DCC: variants seen among roughly 807,000 people sequenced by gnomAD.
DCC encodes the protein DCC netrin 1 receptor, also known as netrin receptor DCC.
In DCC, 58 loss-of-function variants were observed where a neutral mutation model predicts 172.5. That is an observed-to-expected ratio of 0.34 (90% CI 0.27 to 0.42). DCC has a LOEUF of 0.42. DCC is among the 10% of genes least tolerant of loss of function. DCC has a pLI of 1.00. For synonymous variants in DCC, 709 were observed against 644.5 expected (o/e 1.10, Z -1.52); for missense variants, 1,740 against 1,791.0 (o/e 0.97, Z 0.51).
chr18:53,178,484 A>G (rs1382791745), intron 8 of DCC, among the ~76,000 whole-genome samples: 1 of 152,206 alleles, frequency 6.6e-6, no homozygotes, highest in Non-Finnish European at 1.5e-5. Context: ...AACACTAAGC[A>G]TCTGCGTTTT....
At position 52,539,810 on chromosome 18, in the gene DCC, ATTAG is replaced by A. The variant is rs558151719; in HGVS notation, c.91+198937_91+198940del. ...GATAACTATGCAAGATAATACATGT[ATTAG>A]TTAGCTCAATTTAGCCATTCCACAA... On this transcript the variant is annotated intron_variant, in intron 1 of 28. Coordinates refer to ENST00000442544, the MANE Select transcript of DCC (RefSeq NM_005215.4). Among the ~76,000 whole-genome samples the A allele has an allele frequency of 1.8e-3, 273 of 152,324 alleles. 1 individual carries two copies. The highest frequency in any genetic ancestry group is 5.8e-3 in the African/African-American group (241 of 41,556).
intron 2 of DCC, among the ~76,000 whole-genome samples, chr18:52,765,944 A>G (rs1210352287): frequency 6.6e-6 from 1 of 152,216 alleles, no homozygotes; most frequent in Non-Finnish European, 1.5e-5. Flanking sequence ...ATAATGCTGA[A>G]CAGAGGACCT....
intron 7 of DCC, among the ~76,000 whole-genome samples, chr18:53,102,709 A>C (rs1246317139): frequency 2.0e-5 from 3 of 152,140 alleles, no homozygotes; most frequent in East Asian, 3.9e-4. Flanking sequence ...CTGCTGACCT[A>C]ACTAATAACT....
intron 9 of DCC, among the ~76,000 whole-genome samples, chr18:53,192,388 T>C (rs986292810): frequency 6.6e-6 from 1 of 152,132 alleles, no homozygotes; most frequent in Non-Finnish European, 1.5e-5. Flanking sequence ...AATTCCTCAA[T>C]GTACATATAC....
chr18:53,218,186 T>G (rs1386626280), intron 12 of DCC, among the ~76,000 whole-genome samples: 2 of 152,122 alleles, frequency 1.3e-5, no homozygotes, highest in Non-Finnish European at 2.9e-5. Flanking sequence ...CTTGGGATTT[T>G]AAGATGGAAG....
intron 12 of DCC, among the ~76,000 whole-genome samples, chr18:53,227,398 C>T (rs1483804652): frequency 2.0e-5 from 3 of 152,038 alleles, no homozygotes; most frequent in African/African-American, 7.2e-5. Context: ...ACAATGAAAC[C>T]CACTTATTTC....
At chr18:53,043,307 C>T (rs1273826143) in intron 5 of DCC, among the ~76,000 whole-genome samples, 2 of 146,332 alleles carry the variant, frequency 1.4e-5, no homozygotes, top group African/African-American at 2.5e-5. Context: ...ACAGTGGGGC[C>T]TGCTGGGGGT....
chr18:52,465,036 T>C (rs1466909148), intron 1 of DCC, among the ~76,000 whole-genome samples: 2 of 152,104 alleles, frequency 1.3e-5, no homozygotes, highest in Non-Finnish European at 2.9e-5. Context: ...TAGGGCTAGG[T>C]TGAACAATTG....
chr18:52,605,456 G>A (rs2034114130), intron 1 of DCC, among the ~76,000 whole-genome samples: 1 of 152,100 alleles, frequency 6.6e-6, no homozygotes, highest in Non-Finnish European at 1.5e-5. Flanking sequence ...AGATTAACTT[G>A]CCATTTGTTC....
chr18:53,382,069 A>ACAC (rs1907790022), intron 15 of DCC, among the ~76,000 whole-genome samples: 1 of 122,948 alleles, frequency 8.1e-6, no homozygotes, highest in Admixed American at 7.8e-5. Flanking sequence ...GATTAAAAAC[A>ACAC]ACACACACAC....
At chr18:52,980,556 A>G (rs951961275) in intron 5 of DCC, among the ~76,000 whole-genome samples, 22 of 152,212 alleles carry the variant, frequency 1.4e-4, no homozygotes, top group African/African-American at 5.3e-4. Context: ...AATAGATTAC[A>G]GTTCAACTAA....
At chr18:52,994,353 G>T (rs1239251985) in intron 5 of DCC, among the ~76,000 whole-genome samples, 2 of 152,098 alleles carry the variant, frequency 1.3e-5, no homozygotes, top group African/African-American at 4.8e-5. Flanking sequence ...AGGGGGTAAA[G>T]TGGCAATTTG....
At chr18:53,198,713 T>C (rs1336635399) in intron 9 of DCC, among the ~76,000 whole-genome samples, 1 of 152,220 alleles carries the variant, frequency 6.6e-6, no homozygotes, top group Non-Finnish European at 1.5e-5. Flanking sequence ...TGTTCTGAGA[T>C]ACAGGTGTTA....
At chr18:52,890,671 T>A (rs372600477) in intron 2 of DCC, among the ~76,000 whole-genome samples, 5 of 152,118 alleles carry the variant, frequency 3.3e-5, no homozygotes, top group African/African-American at 1.2e-4. Flanking sequence ...TATCTAAGAC[T>A]CAGTTCCATA....
At chr18:52,771,388 T>C (rs755566992) in intron 2 of DCC, among the ~76,000 whole-genome samples, 3 of 152,246 alleles carry the variant, frequency 2.0e-5, no homozygotes, top group Non-Finnish European at 2.9e-5. Flanking sequence ...CTAGCTGACA[T>C]TGGTGATTTC....
intron 5 of DCC, among the ~76,000 whole-genome samples, chr18:52,954,261 T>C (rs961149260): frequency 4.6e-5 from 7 of 152,184 alleles, no homozygotes; most frequent in African/African-American, 9.7e-5. Context: ...CACTCAAGAA[T>C]ATATATAACA....
intron 2 of DCC, among the ~76,000 whole-genome samples, chr18:52,767,230 T>C (rs1423203247): frequency 1.3e-5 from 2 of 152,096 alleles, no homozygotes; most frequent in Admixed American, 6.5e-5. Context: ...TAGAAAGTAG[T>C]TGGATAATAC....
chr18:52,578,008 A>G (rs1361120185), intron 1 of DCC, among the ~76,000 whole-genome samples: 1 of 152,204 alleles, frequency 6.6e-6, no homozygotes, highest in Non-Finnish European at 1.5e-5. Flanking sequence ...AGCCCTAACT[A>G]TCACCAAGGA....
At chr18:52,941,574 T>C (rs2040465936) in intron 5 of DCC, among the ~76,000 whole-genome samples, 1 of 152,032 alleles carries the variant, frequency 6.6e-6, no homozygotes, top group African/African-American at 2.4e-5. Context: ...TATATGCATA[T>C]ACATGTATAC....
Sources: gnomAD v4.1 joint callset for allele counts (sites outside exome capture counted in the v4.1 genomes callset) on GRCh38, gnomAD v4.1.1 for gene constraint, MANE v1.5 for transcripts, NCBI Gene and HGNC (gene_info 2026-07-23, HGNC 2026-07-21) for gene names.